Variants in RIMS3 observed in about 807,000 individuals in gnomAD.
The protein encoded by RIMS3 is regulating synaptic membrane exocytosis 3.
In RIMS3, 15 loss-of-function variants were observed where a neutral mutation model predicts 29.2. The observed-to-expected ratio is 0.51, with a 90% confidence interval of 0.34 to 0.79. The LOEUF is 0.79. RIMS3 is among the 30% of genes least tolerant of loss of function. The pLI, the probability that RIMS3 is intolerant of heterozygous loss-of-function variation, is 0.01. For synonymous variants in RIMS3, 161 were observed against 170.1 expected (o/e 0.95, Z 0.41); for missense variants, 342 against 421.4 (o/e 0.81, Z 1.65).
At chr1:40,650,573 C>T (rs1364519333) in intron 1 of RIMS3, among the ~76,000 whole-genome samples, 1 of 152,022 alleles carries the variant, frequency 6.6e-6, no homozygotes, top group Non-Finnish European at 1.5e-5. Context: ...CTCAAAAGTA[C>T]CACCTTGGGC....
chr1:40,645,507 C>G (rs956826518), intron 2 of RIMS3, among the ~76,000 whole-genome samples: 1 of 152,126 alleles, frequency 6.6e-6, no homozygotes, highest in Non-Finnish European at 1.5e-5. Flanking sequence ...GAGGCCCGGC[C>G]CTTAAGCTCA....
At chr1:40,668,900 T>TCGAGAC (rs1194878347), upstream of RIMS3, among the ~76,000 whole-genome samples, 2 of 152,032 alleles carry the variant, frequency 1.3e-5, no homozygotes, top group African/African-American at 4.8e-5. Flanking sequence ...GCTGTGAGAG[T>TCGAGAC]CGAGACCGAG....
At chr1:40,638,528 C>T (rs1269075555) in intron 3 of RIMS3, among the ~76,000 whole-genome samples, 1 of 152,222 alleles carries the variant, frequency 6.6e-6, no homozygotes, top group Non-Finnish European at 1.5e-5. Flanking sequence ...AGGAGGGGCA[C>T]TCACAGCCTG....
the RIMS3 span, among the ~76,000 whole-genome samples, chr1:40,674,884 T>C: frequency 3.0e-3 from 460 of 152,322 alleles, 2 homozygotes; most frequent in Non-Finnish European, 4.7e-3. Flanking sequence ...TATTCTGATA[T>C]AGCAGCACAA....
chr1:40,626,751 G>C (rs749530091), intron 7 of RIMS3, 22 bp from the exon 8 acceptor site: 1 of 1,611,058 alleles, frequency 6.2e-7, no homozygotes, highest in East Asian at 2.2e-5. Context: ...AAGAGAGGGA[G>C]GGAGTGAGCC....
At chr1:40,660,426 G>A (rs960933361) in intron 1 of RIMS3, among the ~76,000 whole-genome samples, 5 of 149,992 alleles carry the variant, frequency 3.3e-5, no homozygotes, top group Admixed American at 2.0e-4. Context: ...CACCCAAGCT[G>A]GAGTGCAGTG....
In RIMS3 at chr1:40,628,957, A is replaced by G; in HGVS notation, c.575-8T>C. On this transcript the variant is annotated splice_polypyrimidine_tract_variant and splice_region_variant and intron_variant, in intron 6 of 7. Coordinates refer to ENST00000372684, the MANE Select transcript of RIMS3 (RefSeq NM_014747.3). ...AAACCTTGATATAGGTGGCTAAGGGAGGAGAGAATGTATGACAGGGAGGGG... is the reference window on the plus strand; with the variant it reads ...AAACCTTGATATAGGTGGCTAAGGGGGGAGAGAATGTATGACAGGGAGGGG... The G allele has an allele frequency of 6.2e-7, 1 of 1,612,836 alleles. No homozygotes were observed. Among genetic ancestry groups the G allele is most frequent in the Non-Finnish European group, 8.5e-7 (1 of 1,179,978 alleles).
At chr1:40,684,021 T>C in the RIMS3 span, among the ~76,000 whole-genome samples, 9 of 152,228 alleles carry the variant, frequency 5.9e-5, no homozygotes, top group Non-Finnish European at 1.2e-4. Flanking sequence ...TCCATAATGA[T>C]ACTTGATTCA....
intron 1 of RIMS3, among the ~76,000 whole-genome samples, chr1:40,659,829 G>A (rs1414357193): frequency 3.3e-5 from 5 of 152,218 alleles, no homozygotes; most frequent in Admixed American, 3.3e-4. Flanking sequence ...TCCTGCAGCT[G>A]AGGGAGAGTG....
chr1:40,628,866 G>A lies in RIMS3; in HGVS notation c.658C>T (p.Pro220Ser), dbSNP rs149635680. Residue 220 changes from proline to serine, a missense_variant, in exon 7 of 8, where the codon CCC (proline) becomes TCC (serine). Coordinates refer to ENST00000372684, the MANE Select transcript of RIMS3 (RefSeq NM_014747.3). Reference protein sequence around the residue: ...KTKMTKKTCDPLYQQALLFDE... With the variant: ...KTKMTKKTCDSLYQQALLFDE... The stretch of plus-strand genomic sequence containing the variant: ...AAGAGCAGAGCCTGCTGGTACAGGG[G>A]ATCACAGGTCTTCTTGGTCATCTTT... The A allele has an allele frequency of 3.1e-6, 5 of 1,613,978 alleles. No homozygotes were observed. In the African/African-American group the frequency reaches 6.7e-5, roughly 22 times the overall value.
Position 40,654,072 on chromosome 1 carries a change from A to G in RIMS3, c.-206-6230T>C, listed in dbSNP as rs1412859185. Among the ~76,000 whole-genome samples, 1 of 151,712 alleles carries G rather than the reference A, an allele frequency of 6.6e-6. No individual in the cohort carries two copies. Among genetic ancestry groups the G allele is most frequent in the East Asian group, 1.9e-4 (1 of 5,168 alleles). Reference sequence around the variant, plus strand: ...CTCCCACACCCTCGCTGGGGGAGACACGGCAGTACCACGGACAGCGGCTGG... The same window carrying G: ...CTCCCACACCCTCGCTGGGGGAGACGCGGCAGTACCACGGACAGCGGCTGG... On this transcript the variant is annotated intron_variant, in intron 1 of 7. Coordinates refer to ENST00000372684, the MANE Select transcript of RIMS3 (RefSeq NM_014747.3). The surrounding 1 kb of genome is among the most constrained non-coding windows in gnomAD (Gnocchi z 5.3).
At chr1:40,661,073 G>A (rs1642344921) in intron 1 of RIMS3, among the ~76,000 whole-genome samples, 1 of 152,044 alleles carries the variant, frequency 6.6e-6, no homozygotes, top group South Asian at 2.1e-4. Flanking sequence ...CTCCTCCTAG[G>A]TGGAGACTTC....
chr1:40,653,649 C>T (rs1054703281), intron 1 of RIMS3, among the ~76,000 whole-genome samples: 1 of 152,146 alleles, frequency 6.6e-6, no homozygotes, highest in Admixed American at 6.5e-5. Context: ...AATCCTAGTA[C>T]AGGAAGGACA....
chr1:40,628,308 C>T (rs1646467922), intron 7 of RIMS3, among the ~76,000 whole-genome samples: 1 of 152,180 alleles, frequency 6.6e-6, no homozygotes, highest in African/African-American at 2.4e-5. Flanking sequence ...GAAGGGCTAA[C>T]AATACCAAGT....
intron 1 of RIMS3, among the ~76,000 whole-genome samples, chr1:40,663,789 G>A (rs144390207): frequency 2.6e-4 from 39 of 152,286 alleles, no homozygotes; most frequent in Non-Finnish European, 3.8e-4. Context: ...TCCCTGCTGG[G>A]TCCTCAGCAC....
the RIMS3 span, among the ~76,000 whole-genome samples, chr1:40,687,813 C>CATGT: frequency 2.0e-5 from 3 of 152,102 alleles, no homozygotes; most frequent in Non-Finnish European, 2.9e-5. Flanking sequence ...TGGCTGCCTA[C>CATGT]ATGTCTTCCC....
chr1:40,657,849 G>A (rs1642293215), intron 1 of RIMS3, among the ~76,000 whole-genome samples: 1 of 151,968 alleles, frequency 6.6e-6, no homozygotes, highest in Non-Finnish European at 1.5e-5. Context: ...TGAGACTGCA[G>A]TGAGCTGTGT....
intron 2 of RIMS3, among the ~76,000 whole-genome samples, chr1:40,643,188 G>A (rs1329463660): frequency 6.6e-6 from 1 of 151,914 alleles, no homozygotes; most frequent in Non-Finnish European, 1.5e-5. Context: ...CACCCAGGCA[G>A]TGGCACAATC....
chr1:40,674,830 G>A, the RIMS3 span, among the ~76,000 whole-genome samples: 2 of 152,170 alleles, frequency 1.3e-5, no homozygotes, highest in African/African-American at 4.8e-5. Flanking sequence ...CTTTAGAGCT[G>A]TAAGAAATAT....
Sources: gnomAD v4.1 joint callset for allele counts (sites outside exome capture counted in the v4.1 genomes callset) on GRCh38, gnomAD v4.1.1 for gene constraint, Gnocchi (gnomAD v3.1) non-coding constraint, MANE v1.5 for transcripts, NCBI Gene and HGNC (gene_info 2026-07-23, HGNC 2026-07-21) for gene names.